The following PIK3R3 variants were observed in gnomAD, a reference collection of about 807,000 sequenced individuals.
PIK3R3 encodes the protein phosphoinositide-3-kinase regulatory subunit 3.
In PIK3R3, 64 loss-of-function variants were observed where a neutral mutation model predicts 62.9. The observed-to-expected ratio is 1.02, with a 90% CI of 0.83 to 1.25. The LOEUF is 1.25. Ranked by LOEUF, PIK3R3 falls within the 50% of genes most tolerant of loss-of-function variation. The probability of loss-of-function intolerance (pLI) is 0.00; values close to 1 mark genes in which losing one functional copy is unlikely to be tolerated. For missense variants in PIK3R3, 614 were observed against 561.6 expected (o/e 1.09, Z -0.94); for synonymous variants, 165 against 189.0 (o/e 0.87, Z 1.04).
intron 1 of PIK3R3, among the ~76,000 whole-genome samples, chr1:46,097,627 C>T (rs1652260118): frequency 1.3e-5 from 2 of 149,200 alleles, no homozygotes; most frequent in Admixed American, 1.3e-4. Flanking sequence ...GTGGCTCATA[C>T]CTGTAATCCC....
At chr1:46,052,446 T>A (rs985273179) in intron 7 of PIK3R3, among the ~76,000 whole-genome samples, 8 of 152,142 alleles carry the variant, frequency 5.3e-5, no homozygotes, top group African/African-American at 1.4e-4. Flanking sequence ...AGGAATTTTT[T>A]AAAAAATTGA....
At chr1:46,161,894 C>T in the PIK3R3 span, among the ~76,000 whole-genome samples, 4 of 151,714 alleles carry the variant, frequency 2.6e-5, no homozygotes, top group African/African-American at 7.3e-5. Flanking sequence ...AGATCGAGAC[C>T]ATCCTGGCTA....
In PIK3R3 at chr1:46,077,591, G is replaced by T. The variant is rs554826078; in HGVS notation, c.238C>A (p.Arg80=). 2 of 1,608,042 alleles carry T rather than the reference G, an allele frequency of 1.2e-6. No homozygotes were observed. Among genetic ancestry groups the T allele is most frequent in the Non-Finnish European group, 1.7e-6 (2 of 1,174,888 alleles). ...ISREEVNDKL[R]DMPDGTFLVR... ...AAGAAGGTCCCATCTGGCATATCCC[G>T]CAATTTGTCATTTACCTCCTCCCTG... Residue 80 remains arginine, a synonymous_variant, in exon 3 of 10, where the codon CGG becomes AGG. Transcript: ENST00000262741.
At chr1:46,080,296 G>A (rs112482333) in intron 2 of PIK3R3, among the ~76,000 whole-genome samples, 1 of 151,392 alleles carries the variant, frequency 6.6e-6, no homozygotes, top group Non-Finnish European at 1.5e-5. Context: ...TCCTGAGCTC[G>A]GGCAATCCAC....
the PIK3R3 span, among the ~76,000 whole-genome samples, chr1:46,165,699 G>T: frequency 2.1e-5 from 3 of 142,240 alleles, no homozygotes; most frequent in Non-Finnish European, 3.0e-5. Flanking sequence ...CAGCAGTGTT[G>T]AAACCCAGGT....
In PIK3R3 at chr1:46,071,759, A is replaced by AGAGAGAGAGAGAGAGAGCGC. The variant is rs777668187; in HGVS notation, c.315-4669_315-4668insGCGCTCTCTCTCTCTCTCTC. 6.0e-5 allele frequency among the ~76,000 whole-genome samples: 6 copies of AGAGAGAGAGAGAGAGAGCGC among 100,124 alleles called. No homozygotes were observed. In the East Asian group the frequency reaches 1.2e-3, roughly 21 times the overall value. 65.7% of individuals were successfully genotyped at this position (100,124 alleles called of 152,430 possible). A position where few individuals can be genotyped will look rare whatever the true frequency, so the allele number is the denominator to read the frequency against. ...GAGAGAGAGAGAGAGAGAGAGAGAG[A>AGAGAGAGAGAGAGAGAGCGC]GCGCGCGCCTGATCACAATTTCCCT... On this transcript the variant is annotated intron_variant, in intron 3 of 9. Coordinates refer to ENST00000262741, the MANE Select transcript of PIK3R3 (RefSeq NM_003629.4).
At chr1:46,156,316 C>T in the PIK3R3 span, among the ~76,000 whole-genome samples, 1 of 151,758 alleles carries the variant, frequency 6.6e-6, no homozygotes, top group East Asian at 1.9e-4. Flanking sequence ...AAAAATTAGC[C>T]GAGCATGGTG....
chr1:46,090,100 C>T (rs1651474390), intron 1 of PIK3R3, among the ~76,000 whole-genome samples: 1 of 152,078 alleles, frequency 6.6e-6, no homozygotes, highest in Non-Finnish European at 1.5e-5. Flanking sequence ...TACTTTTTGA[C>T]TTTTTAAACT....
the PIK3R3 span, among the ~76,000 whole-genome samples, chr1:46,172,722 G>T: frequency 6.6e-6 from 1 of 152,162 alleles, no homozygotes; most frequent in Non-Finnish European, 1.5e-5. Flanking sequence ...GCTGAGCCAG[G>T]TGGCTCATGC....
the PIK3R3 span, among the ~76,000 whole-genome samples, chr1:46,151,512 G>A: frequency 9.8e-5 from 15 of 152,290 alleles, no homozygotes; most frequent in African/African-American, 3.6e-4. Flanking sequence ...GAGAGGCCAA[G>A]GTGGGAGGGT....
chr1:46,068,901 T>G (rs998772617), intron 3 of PIK3R3, among the ~76,000 whole-genome samples: 1 of 152,192 alleles, frequency 6.6e-6, no homozygotes, highest in African/African-American at 2.4e-5. Context: ...TAATCTATCT[T>G]GTGGCTTAAA....
upstream of PIK3R3, among the ~76,000 whole-genome samples, chr1:46,134,159 A>G (rs1168160890): frequency 6.6e-6 from 1 of 152,204 alleles, no homozygotes; most frequent in Non-Finnish European, 1.5e-5. Context: ...ACACAGGAGT[A>G]ACAAAGCCCA....
rs149950541 is a variant in PIK3R3 at position 46,055,779 on chromosome 1, C to T, written c.941+16G>A. On this transcript the variant is annotated intron_variant, in intron 7 of 9. Coordinates refer to ENST00000262741, the MANE Select transcript of PIK3R3 (RefSeq NM_003629.4). ...GCACTAACGTCTCCCTCCCCATACA[C>T]TCCCAGACTACTTACACAAGGTGTT... 2.6e-6 allele frequency: 4 copies of T among 1,561,684 alleles called. No homozygotes were observed. Among genetic ancestry groups the T allele is most frequent in the Non-Finnish European group, 3.5e-6 (4 of 1,152,458 alleles).
chr1:46,101,699 T>C, intron 1 of PIK3R3, among the ~76,000 whole-genome samples: 2 of 152,302 alleles, frequency 1.3e-5, no homozygotes, highest in South Asian at 4.1e-4. Flanking sequence ...AGGACAAATA[T>C]TGTATGATTC....
chr1:46,109,954 G>A (rs1031093651), intron 1 of PIK3R3, among the ~76,000 whole-genome samples: 4 of 152,070 alleles, frequency 2.6e-5, no homozygotes, highest in African/African-American at 9.7e-5. Flanking sequence ...ACTCTTCCAA[G>A]CTCATTTTCC....
the PIK3R3 span, among the ~76,000 whole-genome samples, chr1:46,169,550 TC>T: frequency 1.3e-5 from 2 of 152,250 alleles, no homozygotes; most frequent in African/African-American, 4.8e-5. Context: ...ATTTTAGACT[TC>T]AAAAGACAGC....
chr1:46,167,373 C>T, the PIK3R3 span, among the ~76,000 whole-genome samples: 1 of 152,166 alleles, frequency 6.6e-6, no homozygotes, highest in African/African-American at 2.4e-5. Context: ...GAAGCTACTG[C>T]AAGGAGGGGG....
chr1:46,134,991 A>G (rs1655877354), upstream of PIK3R3, among the ~76,000 whole-genome samples: 1 of 152,236 alleles, frequency 6.6e-6, no homozygotes, highest in South Asian at 2.1e-4. Flanking sequence ...ACCTTTGAAT[A>G]TATCTCCAGA....
chr1:46,069,122 C>T (rs1034146764), intron 3 of PIK3R3, among the ~76,000 whole-genome samples: 4 of 152,042 alleles, frequency 2.6e-5, no homozygotes, highest in Non-Finnish European at 4.4e-5. Flanking sequence ...GGCTTGGATA[C>T]AAATATGACA....
Sources: allele counts gnomAD v4.1 joint callset (sites outside exome capture counted in the v4.1 genomes callset), GRCh38; gene constraint gnomAD v4.1.1; transcripts MANE v1.5; gene names NCBI Gene and HGNC (gene_info 2026-07-23, HGNC 2026-07-21).